Variants in PTPRD observed in about 807,000 individuals in gnomAD.
PTPRD encodes receptor-type tyrosine-protein phosphatase delta.
In PTPRD, 34 loss-of-function variants were observed where a neutral mutation model predicts 214.5. The observed-to-expected ratio is 0.16, with a 90% CI of 0.12 to 0.21. The LOEUF is 0.21. Among genes scored for constraint, PTPRD ranks in the 10% least tolerant of loss-of-function variants. The pLI is 1.00. For synonymous variants in PTPRD, 1,128 were observed against 845.7 expected (o/e 1.33, Z -5.79); for missense variants, 2,545 against 2,398.7 (o/e 1.06, Z -1.27).
At chr9:10,479,654 T>TA (rs879309037) in intron 2 of PTPRD, among the ~76,000 whole-genome samples, 2 of 64,130 alleles carry the variant, frequency 3.1e-5, no homozygotes, top group Non-Finnish European at 8.2e-5. Flanking sequence ...AATAAATAAA[T>TA]AAATAAACAA....
At chr9:10,254,692 G>C (rs1233496483) in intron 3 of PTPRD, among the ~76,000 whole-genome samples, 1 of 152,146 alleles carries the variant, frequency 6.6e-6, no homozygotes, top group Non-Finnish European at 1.5e-5. Context: ...ATGTGGGAAG[G>C]AAAGAATGAG....
At chr9:9,423,375 G>A (rs1015360814) in intron 8 of PTPRD, among the ~76,000 whole-genome samples, 3 of 152,146 alleles carry the variant, frequency 2.0e-5, no homozygotes, top group African/African-American at 7.2e-5. Flanking sequence ...TGCAATCCAA[G>A]AAGGGACCTG....
rs67735335 is a variant in PTPRD, at chr9:9,613,135, CATATATAT to C, written c.-286-38362_-286-38355del. 8.3e-5 allele frequency among the ~76,000 whole-genome samples: 4 copies of C among 47,926 alleles called. 1 individual carries two copies. The highest frequency in any genetic ancestry group is 2.6e-4 in the African/African-American group (3 of 11,462). 31.4% of individuals were successfully genotyped at this position (47,926 alleles called of 152,430 possible). Reference sequence around the variant, plus strand: ...AGCTAGGCTGCAGTATACATACATACATATATATATATATATATATATATATATATATA... The same window carrying C: ...AGCTAGGCTGCAGTATACATACATACATATATATATATATATATATATATA... On this transcript the variant is annotated intron_variant, in intron 7 of 45. Coordinates refer to ENST00000381196, the MANE Select transcript of PTPRD (RefSeq NM_002839.4).
intron 9 of PTPRD, among the ~76,000 whole-genome samples, chr9:9,274,885 A>G (rs1944373671): frequency 6.7e-6 from 1 of 148,486 alleles, no homozygotes; most frequent in African/African-American, 2.5e-5. Context: ...CTACTCGTAA[A>G]TAATTTGGGA....
chr9:9,155,244 T>G (rs905421923), intron 10 of PTPRD, among the ~76,000 whole-genome samples: 1 of 152,182 alleles, frequency 6.6e-6, no homozygotes, highest in African/African-American at 2.4e-5. Flanking sequence ...GTAACTAGAT[T>G]TTTTAAATTA....
chr9:9,132,450 T>A (rs941801875), intron 10 of PTPRD, among the ~76,000 whole-genome samples: 1 of 152,200 alleles, frequency 6.6e-6, no homozygotes, highest in Non-Finnish European at 1.5e-5. Flanking sequence ...ATTTTATGCA[T>A]TGAAAGTCTT....
intron 8 of PTPRD, among the ~76,000 whole-genome samples, chr9:9,563,567 C>T (rs980364290): frequency 6.6e-6 from 1 of 151,988 alleles, no homozygotes; most frequent in Non-Finnish European, 1.5e-5. Context: ...AGAGCTGGAG[C>T]ATAGTAAGAA....
intron 4 of PTPRD, among the ~76,000 whole-genome samples, chr9:10,014,885 C>G (rs1438991685): frequency 6.6e-6 from 1 of 152,042 alleles, no homozygotes; most frequent in Non-Finnish European, 1.5e-5. Flanking sequence ...TACTGCCCCA[C>G]TTTATGGGGC....
At chr9:10,567,983 T>TC (rs1219534154) in intron 2 of PTPRD, among the ~76,000 whole-genome samples, 1 of 151,946 alleles carries the variant, frequency 6.6e-6, no homozygotes, top group Non-Finnish European at 1.5e-5. Context: ...ATTATTATTA[T>TC]CCTTTAAGTT....
At chr9:8,846,685 G>T (rs2097703479) in intron 11 of PTPRD, among the ~76,000 whole-genome samples, 1 of 152,102 alleles carries the variant, frequency 6.6e-6, no homozygotes, top group Non-Finnish European at 1.5e-5. Flanking sequence ...GGTACATCTG[G>T]GAAACAGCAA....
intron 3 of PTPRD, among the ~76,000 whole-genome samples, chr9:10,260,033 G>A (rs2093590878): frequency 6.6e-6 from 1 of 152,216 alleles, no homozygotes; most frequent in African/African-American, 2.4e-5. Flanking sequence ...GTCCTTTGTG[G>A]TGGTTGTATC....
intron 8 of PTPRD, among the ~76,000 whole-genome samples, chr9:9,487,849 A>G (rs750241273): frequency 6.6e-6 from 1 of 152,184 alleles, no homozygotes; most frequent in East Asian, 1.9e-4. Context: ...AGTATCCCTA[A>G]TAATTCCCAG....
chr9:8,575,203 T>C (rs1220737897), intron 14 of PTPRD, among the ~76,000 whole-genome samples: 6 of 152,064 alleles, frequency 3.9e-5, no homozygotes, highest in African/African-American at 9.7e-5. Context: ...GTAAGCTAAA[T>C]TGTTCCTGAA....
At chr9:10,011,317 G>A (rs1003512233) in intron 4 of PTPRD, among the ~76,000 whole-genome samples, 2 of 151,858 alleles carry the variant, frequency 1.3e-5, no homozygotes, top group African/African-American at 4.8e-5. Context: ...TAGTTAAATT[G>A]TTTCCAATTT....
intron 5 of PTPRD, among the ~76,000 whole-genome samples, chr9:9,813,471 G>T (rs2047795097): frequency 6.6e-6 from 1 of 151,920 alleles, no homozygotes; most frequent in East Asian, 1.9e-4. Flanking sequence ...TAATACAAAA[G>T]ATTATAGCAG....
At chr9:9,679,942 G>T (rs1183798128) in intron 7 of PTPRD, among the ~76,000 whole-genome samples, 1 of 151,806 alleles carries the variant, frequency 6.6e-6, no homozygotes, top group Non-Finnish European at 1.5e-5. Flanking sequence ...AATAAGATAT[G>T]CAAAACTGCC....
chr9:9,181,982 G>A (rs2099928465), intron 10 of PTPRD, among the ~76,000 whole-genome samples: 1 of 152,012 alleles, frequency 6.6e-6, no homozygotes, highest in Non-Finnish European at 1.5e-5. Context: ...AAAGCAGAAT[G>A]AGTAGTATTT....
At position 10,338,907 on chromosome 9, in the gene PTPRD, A is replaced by G. The variant is rs539820740; in HGVS notation, c.-545+2056T>C. Among the ~76,000 whole-genome samples the G allele has an allele frequency of 2.0e-5, 3 of 151,564 alleles. No individual in the cohort carries two copies. The South Asian group carries it at 6.2e-4, about 31-fold the overall frequency. On this transcript the variant is annotated intron_variant, in intron 3 of 45. Transcript: ENST00000381196. The stretch of plus-strand genomic sequence containing the variant: ...TATAAATTAAATAGAGTACATTGCT[A>G]AAGAGGACCTGGGGTCATAAATATA...
intron 11 of PTPRD, among the ~76,000 whole-genome samples, chr9:8,946,373 G>A (rs1004479737): frequency 1.2e-4 from 18 of 152,226 alleles, no homozygotes; most frequent in Non-Finnish European, 2.1e-4. Flanking sequence ...CGAGGGTTTT[G>A]TTGGAGTACT....
Sources: allele counts gnomAD v4.1 joint callset (sites outside exome capture counted in the v4.1 genomes callset), GRCh38; gene constraint gnomAD v4.1.1; transcripts MANE v1.5; gene names NCBI Gene and HGNC (gene_info 2026-07-23, HGNC 2026-07-21).